FOXP2: variants seen among roughly 807,000 people sequenced by gnomAD.
FOXP2 encodes the protein forkhead box protein P2.
FOXP2 carries 12 observed loss-of-function variants against 115.8 expected under a neutral mutation model. The observed-to-expected ratio is 0.10, with a 90% CI of 0.07 to 0.17. The LOEUF (loss-of-function observed/expected upper bound fraction) is 0.17, where lower values mean the gene tolerates loss of function less well. Among genes scored for constraint, FOXP2 ranks in the 10% least tolerant of loss-of-function variants. FOXP2 has a pLI of 1.00. For synonymous variants in FOXP2, 328 were observed against 297.7 expected, an observed-to-expected ratio of 1.10 and a Z score of -1.05; for missense variants, 629 against 843.5, an observed-to-expected ratio of 0.75 and a Z score of 3.15.
In FOXP2 at chr7:114,693,683, T is replaced by C. The variant is rs1009156430; in HGVS notation, c.*3757T>C. 8.1e-6 allele frequency: 3 copies of C among 369,674 alleles called. No individual in the cohort carries two copies. The East Asian group carries it at 2.3e-4, about 28-fold the overall frequency. 22.9% of individuals were successfully genotyped at this position (369,674 alleles called of 1,614,324 possible). A position where few individuals can be genotyped will look rare whatever the true frequency, so the allele number is the denominator to read the frequency against. ...TGAACAGTGTGTCACTGCTGTTGGA[T>C]GTAAAAATGTATATGAAACCATTTC... On this transcript the variant is annotated 3_prime_UTR_variant, in exon 17 of 17. Transcript: ENST00000350908.
chr7:114,104,876 T>C (rs1199846353), intron 1 of FOXP2, among the ~76,000 whole-genome samples: 2 of 152,062 alleles, frequency 1.3e-5, no homozygotes, highest in Non-Finnish European at 1.5e-5. Flanking sequence ...ATCATGATGC[T>C]GAGGAAATAT....
At chr7:114,429,497 T>C (rs904590896) in intron 2 of FOXP2, among the ~76,000 whole-genome samples, 1 of 151,570 alleles carries the variant, frequency 6.6e-6, no homozygotes, top group Admixed American at 6.6e-5. Flanking sequence ...ATATTTCAGA[T>C]GTTGTTTTAG....
At chr7:114,188,846 AT>A (rs1793683371) in intron 1 of FOXP2, among the ~76,000 whole-genome samples, 2 of 152,174 alleles carry the variant, frequency 1.3e-5, no homozygotes, top group African/African-American at 4.8e-5. Context: ...GAATGAATGA[AT>A]TGGGGGGAAC....
chr7:114,275,782 G>T (rs1209466073), intron 1 of FOXP2, among the ~76,000 whole-genome samples: 1 of 152,238 alleles, frequency 6.6e-6, no homozygotes, highest in Non-Finnish European at 1.5e-5. Flanking sequence ...CTTGGCAAAA[G>T]AAACTGCTGT....
chr7:114,446,047 T>C (rs1562931213), intron 2 of FOXP2, among the ~76,000 whole-genome samples: 1 of 149,698 alleles, frequency 6.7e-6, no homozygotes, highest in Non-Finnish European at 1.5e-5. Context: ...AACTAGTTTT[T>C]TTGCTTTTTA....
intron 1 of FOXP2, among the ~76,000 whole-genome samples, chr7:114,124,500 A>G (rs1477359810): frequency 3.3e-5 from 5 of 152,152 alleles, no homozygotes; most frequent in African/African-American, 7.2e-5. Flanking sequence ...TTTGGATCCA[A>G]TGGTGCTCAC....
chr7:114,633,998 ATCTTT>A (rs895928735), intron 6 of FOXP2, among the ~76,000 whole-genome samples: 38 of 151,820 alleles, frequency 2.5e-4, no homozygotes, highest in Admixed American at 2.3e-3. Flanking sequence ...TTAAAACTGT[ATCTTT>A]TCTTTTTTTT....
chr7:114,161,560 C>T (rs1336595305), upstream of FOXP2, among the ~76,000 whole-genome samples: 1 of 150,500 alleles, frequency 6.6e-6, no homozygotes, highest in Non-Finnish European at 1.5e-5. Flanking sequence ...ATAAATACCA[C>T]CAGTATATTG....
At chr7:114,619,195 T>A (rs1177205519) in intron 3 of FOXP2, among the ~76,000 whole-genome samples, 1 of 150,902 alleles carries the variant, frequency 6.6e-6, no homozygotes, top group Non-Finnish European at 1.5e-5. Context: ...ATCTGTTTGA[T>A]CCTCTGGTGT....
At chr7:114,464,035 T>C (rs1795701053) in intron 2 of FOXP2, among the ~76,000 whole-genome samples, 1 of 152,044 alleles carries the variant, frequency 6.6e-6, no homozygotes, top group African/African-American at 2.4e-5. Context: ...ACAGAATCCA[T>C]AGAGAAAGGA....
At chr7:114,422,504 AGATT>A (rs980294923) in intron 1 of FOXP2, among the ~76,000 whole-genome samples, 6 of 151,700 alleles carry the variant, frequency 4.0e-5, no homozygotes, top group African/African-American at 4.8e-5. Flanking sequence ...ATACATAGAC[AGATT>A]GATTGATCTA....
chr7:114,147,637 A>G (rs977305486), intron 1 of FOXP2, among the ~76,000 whole-genome samples: 1 of 152,182 alleles, frequency 6.6e-6, no homozygotes, highest in South Asian at 2.1e-4. Context: ...GGTATTGCCA[A>G]TGAAATGATC....
At chr7:114,495,718 G>A (rs1230531615) in intron 2 of FOXP2, among the ~76,000 whole-genome samples, 1 of 151,660 alleles carries the variant, frequency 6.6e-6, no homozygotes, top group Non-Finnish European at 1.5e-5. Flanking sequence ...TGTTGGCCAG[G>A]CTGATCTTGA....
intron 1 of FOXP2, among the ~76,000 whole-genome samples, chr7:114,287,345 T>A (rs561461922): frequency 6.6e-6 from 1 of 151,848 alleles, no homozygotes; most frequent in Admixed American, 6.6e-5. Context: ...TGGCCACGAG[T>A]TGGACAAGAC....
chr7:114,220,917 T>C (rs544031514), intron 1 of FOXP2, among the ~76,000 whole-genome samples: 111 of 152,290 alleles, frequency 7.3e-4, no homozygotes, highest in African/African-American at 2.4e-3. Context: ...ATAAAATTGG[T>C]GTCATTTAAG....
intron 3 of FOXP2, among the ~76,000 whole-genome samples, chr7:114,603,940 G>A (rs1469433393): frequency 6.6e-6 from 1 of 152,130 alleles, no homozygotes; most frequent in Non-Finnish European, 1.5e-5. Flanking sequence ...TGTAAAACAT[G>A]GAGATAGAAA....
chr7:114,208,980 A>G (rs1794273181), intron 1 of FOXP2, among the ~76,000 whole-genome samples: 1 of 152,128 alleles, frequency 6.6e-6, no homozygotes, highest in African/African-American at 2.4e-5. Context: ...ATTTGTGAGT[A>G]GAGGAAATTT....
At chr7:114,215,791 C>T (rs2129162696) in intron 1 of FOXP2, among the ~76,000 whole-genome samples, 1 of 152,214 alleles carries the variant, frequency 6.6e-6, no homozygotes, top group East Asian at 1.9e-4. Flanking sequence ...TTTCTACCCC[C>T]ACTTTATCAG....
chr7:114,528,102 A>G (rs1247913338), intron 2 of FOXP2, among the ~76,000 whole-genome samples: 1 of 152,060 alleles, frequency 6.6e-6, no homozygotes, highest in Non-Finnish European at 1.5e-5. Context: ...TTTATCCAAT[A>G]ATTAGCCCCA....
Sources: allele counts gnomAD v4.1 joint callset (sites outside exome capture counted in the v4.1 genomes callset), GRCh38; gene constraint gnomAD v4.1.1; transcripts MANE v1.5; gene names NCBI Gene and HGNC (gene_info 2026-07-23, HGNC 2026-07-21).